Variants in PDE4D observed in about 807,000 individuals in gnomAD.
PDE4D encodes 3',5'-cyclic-AMP phosphodiesterase 4D.
In PDE4D, 24 loss-of-function variants were observed where a neutral mutation model predicts 87.4. The ratio of observed to expected loss-of-function variants is 0.27; its 90% CI spans 0.20 to 0.39. The LOEUF is 0.39. Ranked by LOEUF, PDE4D falls within the 10% of genes least tolerant of loss-of-function variation. PDE4D has a pLI of 1.00. For synonymous variants in PDE4D, 384 were observed against 383.2 expected (o/e 1.00, Z -0.02); for missense variants, 714 against 1,041.0 (o/e 0.69, Z 4.32).
chr5:59,874,270 C>T (rs1198182447), intron 1 of PDE4D, among the ~76,000 whole-genome samples: 2 of 152,158 alleles, frequency 1.3e-5, no homozygotes, highest in African/African-American at 2.4e-5. Context: ...AATGTCCCTT[C>T]ACTCTACTTC....
intron 1 of PDE4D, among the ~76,000 whole-genome samples, chr5:59,880,616 A>G (rs1443772071): frequency 6.6e-6 from 1 of 152,232 alleles, no homozygotes; most frequent in Non-Finnish European, 1.5e-5. Context: ...AAATGTTTAA[A>G]AGAAAGCATT....
intron 2 of PDE4D, among the ~76,000 whole-genome samples, chr5:60,038,486 C>G (rs901437562): frequency 3.3e-5 from 5 of 151,984 alleles, no homozygotes; most frequent in African/African-American, 7.2e-5. Flanking sequence ...TGATCTATAT[C>G]TCTGTTTTGG....
intron 6 of PDE4D, among the ~76,000 whole-genome samples, chr5:59,000,870 G>A (rs1405776143): frequency 6.6e-6 from 1 of 151,874 alleles, no homozygotes; most frequent in Non-Finnish European, 1.5e-5. Flanking sequence ...TGTATTTTTA[G>A]CAGAGACGGG....
At position 59,984,040 on chromosome 5, in the gene PDE4D, CA is replaced by C. The variant is rs1285663840; in HGVS notation, c.272+4447del. 1.4e-4 allele frequency among the ~76,000 whole-genome samples: 17 copies of C among 121,020 alleles called. 1 individual carries two copies. Among genetic ancestry groups the C allele is most frequent in the African/African-American group, 4.1e-4 (15 of 36,954 alleles). 79.4% of individuals were successfully genotyped at this position (121,020 alleles called of 152,430 possible). A position where few individuals can be genotyped will look rare whatever the true frequency, so the allele number is the denominator to read the frequency against. Reference sequence around the variant, plus strand: ...CTGAGATATACACAAACATGGATATCAAAAAAAAATTTTGACTAATAGAAGC... The same window carrying C: ...CTGAGATATACACAAACATGGATATCAAAAAAAATTTTGACTAATAGAAGC... On this transcript the variant is annotated intron_variant, in intron 3 of 16. Coordinates refer to the PDE4D transcript ENST00000502484.
chr5:59,898,640 C>A (rs1751920209), upstream of PDE4D, among the ~76,000 whole-genome samples: 1 of 152,138 alleles, frequency 6.6e-6, no homozygotes, highest in Non-Finnish European at 1.5e-5. Context: ...TGGGCAGAGA[C>A]TGGCGCAGAC....
At chr5:60,336,412 T>C (rs1357975539) in intron 1 of PDE4D, among the ~76,000 whole-genome samples, 1 of 152,078 alleles carries the variant, frequency 6.6e-6, no homozygotes, top group Non-Finnish European at 1.5e-5. Flanking sequence ...TCAGCAAAGG[T>C]TCATTTTCTT....
rs10062786 is a variant in PDE4D, at chr5:60,476,594, C to T, written c.-90+11348G>A. 4.9e-3 allele frequency among the ~76,000 whole-genome samples: 753 copies of T among 152,290 alleles called. 5 individuals carry two copies. The highest frequency in any genetic ancestry group is 6.1e-3 in the Non-Finnish European group (417 of 68,016). ...CTTACTGTTGTCTACAAAGGCCTTG[C>T]GTGATCTGGTCCCTTGTTGTCTCCC... On this transcript the variant is annotated intron_variant, in intron 1 of 16. Transcript: ENST00000502484.
chr5:60,144,162 G>A (rs1780798945), intron 2 of PDE4D, among the ~76,000 whole-genome samples: 1 of 152,108 alleles, frequency 6.6e-6, no homozygotes, highest in South Asian at 2.1e-4. Flanking sequence ...TAAGGCTTTT[G>A]GTCACATTGG....
chr5:59,838,390 CG>C (rs1742476374), intron 1 of PDE4D, among the ~76,000 whole-genome samples: 1 of 152,062 alleles, frequency 6.6e-6, no homozygotes, highest in Admixed American at 6.6e-5. Flanking sequence ...TAAGGGATGC[CG>C]GATCTCCAGT....
chr5:60,072,237 G>A (rs1267571125), intron 2 of PDE4D, among the ~76,000 whole-genome samples: 9 of 151,924 alleles, frequency 5.9e-5, no homozygotes, highest in East Asian at 3.9e-4. Flanking sequence ...ATGGCATCTC[G>A]TGGTTTTGAC....
At chr5:59,245,205 G>C (rs1402611677) in intron 1 of PDE4D, among the ~76,000 whole-genome samples, 1 of 152,110 alleles carries the variant, frequency 6.6e-6, no homozygotes, top group Non-Finnish European at 1.5e-5. Context: ...AAGCTTAAAT[G>C]CTGCAATTAT....
chr5:60,159,501 A>G (rs769779405), intron 2 of PDE4D, among the ~76,000 whole-genome samples: 2 of 152,180 alleles, frequency 1.3e-5, no homozygotes, highest in African/African-American at 2.4e-5. Context: ...ATCACCGGCC[A>G]TGCAGTGAGT....
intron 6 of PDE4D, among the ~76,000 whole-genome samples, chr5:59,014,803 C>A (rs1753630213): frequency 6.6e-6 from 1 of 152,170 alleles, no homozygotes; most frequent in African/African-American, 2.4e-5. Context: ...AAAAAAGAGC[C>A]CGCATTGCCA....
chr5:59,527,486 G>C (rs1173331481), intron 1 of PDE4D, among the ~76,000 whole-genome samples: 2 of 152,130 alleles, frequency 1.3e-5, no homozygotes, highest in African/African-American at 4.8e-5. Context: ...GATGAAGTTT[G>C]ATGTACTTAA....
At chr5:59,260,246 T>C (rs1581652496) in intron 1 of PDE4D, among the ~76,000 whole-genome samples, 1 of 151,854 alleles carries the variant, frequency 6.6e-6, no homozygotes, top group Non-Finnish European at 1.5e-5. Flanking sequence ...CACTAAGGTT[T>C]TTATTTAGTA....
chr5:59,735,296 T>C (rs1757924388), intron 1 of PDE4D, among the ~76,000 whole-genome samples: 1 of 152,222 alleles, frequency 6.6e-6, no homozygotes, highest in Admixed American at 6.5e-5. Flanking sequence ...TGATTACTAA[T>C]GTCAAAGAAT....
At chr5:59,093,867 T>C (rs1769191320) in intron 5 of PDE4D, among the ~76,000 whole-genome samples, 1 of 152,104 alleles carries the variant, frequency 6.6e-6, no homozygotes, top group Non-Finnish European at 1.5e-5. Flanking sequence ...CTCAAGAGGA[T>C]AATAATCTGT....
chr5:59,638,344 AGTTGGAGGAGT>A (rs1232085084), intron 1 of PDE4D, among the ~76,000 whole-genome samples: 1 of 152,210 alleles, frequency 6.6e-6, no homozygotes, highest in Admixed American at 6.5e-5. Context: ...TTGCAAAGCT[AGTTGGAGGAGT>A]GTGTGTGTGC....
intron 5 of PDE4D, among the ~76,000 whole-genome samples, chr5:59,067,058 G>T (rs1225408467): frequency 6.6e-6 from 1 of 150,840 alleles, no homozygotes; most frequent in African/African-American, 2.4e-5. Context: ...TCTGTCACTC[G>T]GGCTGGATTT....
Sources: gnomAD v4.1 joint callset for allele counts (sites outside exome capture counted in the v4.1 genomes callset) on GRCh38, gnomAD v4.1.1 for gene constraint, MANE v1.5 for transcripts, NCBI Gene and HGNC (gene_info 2026-07-23, HGNC 2026-07-21) for gene names.